The following ZMYND12 variants were observed in gnomAD, a reference collection of about 807,000 sequenced individuals.
ZMYND12 encodes the protein zinc finger MYND domain-containing protein 12.
In ZMYND12, 32 loss-of-function variants were observed where a neutral mutation model predicts 41.7. That is an observed-to-expected ratio of 0.77 (90% CI 0.58 to 1.03). ZMYND12 has a LOEUF of 1.03. Among genes scored for constraint, ZMYND12 ranks in the 50% least tolerant of loss-of-function variants. The pLI, the probability that ZMYND12 is intolerant of heterozygous loss-of-function variation, is 0.00. For missense variants in ZMYND12, 424 were observed against 438.5 expected, an observed-to-expected ratio of 0.97 and a Z score of 0.30; for synonymous variants, 148 against 164.8, an observed-to-expected ratio of 0.90 and a Z score of 0.78.
chr1:42,433,425 C>G (rs1425161405), intron 6 of ZMYND12, 137 bp from the exon 7 acceptor site: 1 of 1,032,028 alleles, frequency 9.7e-7, no homozygotes, highest in African/African-American at 1.7e-5. Context: ...CCAATTACAG[C>G]AAGTTTTTTA....
chr1:42,439,500 G>A (rs1206572736), intron 4 of ZMYND12, among the ~76,000 whole-genome samples: 4 of 152,000 alleles, frequency 2.6e-5, no homozygotes, highest in Admixed American at 6.5e-5. Context: ...TCCTGACCTC[G>A]TGATCCACCC....
At chr1:42,444,723 G>A (rs1643004072) in intron 3 of ZMYND12, among the ~76,000 whole-genome samples, 1 of 152,032 alleles carries the variant, frequency 6.6e-6, no homozygotes, top group African/African-American at 2.4e-5. Context: ...ACAGTCTACT[G>A]GAGCAGGGAG....
At position 42,439,946 on chromosome 1, in the gene ZMYND12, A is replaced by G. The variant is rs767616368; in HGVS notation, c.504T>C (p.Asn168=). Residue 168 remains asparagine, a synonymous_variant, in exon 4 of 8, where the codon AAT becomes AAC. Transcript: ENST00000372565. ...TCCGATGCAGTAAAGAGTGGGTGGC[A>G]TTACTACAGTCAGTTGATTTGAGGA... ...WTVLKSTDCS[N]ATHSLLHRNL... is the part of the protein sequence containing the mutation. The G allele has an allele frequency of 6.2e-7, 1 of 1,614,136 alleles. No homozygotes were observed. Among genetic ancestry groups the G allele is most frequent in the Non-Finnish European group, 8.5e-7 (1 of 1,180,014 alleles).
rs751844704 is a variant in ZMYND12, at chr1:42,435,378, TCA to T, written c.723_724del (p.Glu242AspfsTer29). On this transcript the variant is annotated frameshift_variant, in exon 6 of 8. Coordinates refer to ENST00000372565, the MANE Select transcript of ZMYND12 (RefSeq NM_032257.5). LOFTEE classifies it high-confidence loss of function. ...ATTGTTCAAATATGCATGCCAGATC[TCA>T]GAGACCTGTTGGGAAAAGAGATGGT... is the stretch of plus-strand genomic sequence containing the variant. The T allele has an allele frequency of 3.5e-5, 57 of 1,612,168 alleles. No homozygotes were observed. The highest frequency in any genetic ancestry group is 4.3e-5 in the Non-Finnish European group (51 of 1,178,436).
At chr1:42,438,906 T>C (rs1642935155) in intron 4 of ZMYND12, among the ~76,000 whole-genome samples, 1 of 152,162 alleles carries the variant, frequency 6.6e-6, no homozygotes, top group Admixed American at 6.5e-5. Context: ...TGGTAATATT[T>C]TCCAGTACTG....
chr1:42,444,892 C>G (rs536940753), intron 3 of ZMYND12, among the ~76,000 whole-genome samples: 2 of 149,662 alleles, frequency 1.3e-5, no homozygotes, highest in African/African-American at 4.9e-5. Context: ...ACTGTAAGCT[C>G]CGCCCCCCGG....
intron 3 of ZMYND12, among the ~76,000 whole-genome samples, chr1:42,447,471 C>G (rs925509760): frequency 1.3e-5 from 2 of 152,198 alleles, no homozygotes; most frequent in Non-Finnish European, 2.9e-5. Flanking sequence ...TGACCCTGAA[C>G]TGTATCCTTT....
intron 1 of ZMYND12, among the ~76,000 whole-genome samples, chr1:42,455,123 C>T (rs1643141364): frequency 1.3e-5 from 2 of 152,252 alleles, no homozygotes; most frequent in African/African-American, 2.4e-5. Context: ...GTTCTCCACT[C>T]GGCCCTTAGC....
chr1:42,449,714 A>G (rs999320773), intron 2 of ZMYND12, among the ~76,000 whole-genome samples: 16 of 152,240 alleles, frequency 1.1e-4, no homozygotes, highest in African/African-American at 3.9e-4. Context: ...TTTGATTGTG[A>G]CAGTGCTAGC....
chr1:42,435,219 G>A, intron 6 of ZMYND12, 55 bp downstream of exon 6: 2 of 1,329,934 alleles, frequency 1.5e-6, no homozygotes, highest in Non-Finnish European at 2.2e-6. Context: ...GACAAGGTCT[G>A]TGTATTGGGT....
chr1:42,443,334 T>C (rs540876629), intron 3 of ZMYND12, among the ~76,000 whole-genome samples: 115 of 152,198 alleles, frequency 7.6e-4, no homozygotes, highest in African/African-American at 2.7e-3. Context: ...TGGAGAGGCA[T>C]AGGGTGAAGT....
intron 4 of ZMYND12, 78 bp from the exon 5 acceptor site, chr1:42,436,621 T>C (rs1642911179): frequency 2.6e-6 from 4 of 1,515,052 alleles, no homozygotes; most frequent in Non-Finnish European, 2.7e-6. Flanking sequence ...GTATCTAGAA[T>C]ACATACAAAA....
At chr1:42,432,905 C>T (rs1570344759) in intron 7 of ZMYND12, 2 of 471,982 alleles carry the variant, frequency 4.2e-6, no homozygotes, top group East Asian at 8.8e-5. Flanking sequence ...CCAGCACTGC[C>T]TCAGACTCTC....
Position 42,455,999 on chromosome 1 carries a change from G to A in ZMYND12, c.-2C>T. The A allele has an allele frequency of 6.2e-7, 1 of 1,609,422 alleles. No individual in the cohort carries two copies. Among genetic ancestry groups the A allele is most frequent in the Non-Finnish European group, 8.5e-7 (1 of 1,177,844 alleles). Reference sequence around the variant, plus strand: ...TGCCAGTGGGTAGATCACATTCATGGTGCAGCCAGCAGTGCTGGTCTCTAA... The same window carrying A: ...TGCCAGTGGGTAGATCACATTCATGATGCAGCCAGCAGTGCTGGTCTCTAA... On this transcript the variant is annotated 5_prime_UTR_variant, in exon 1 of 8. Transcript: ENST00000372565.
At chr1:42,449,427 G>C (rs1355436544) in intron 2 of ZMYND12, among the ~76,000 whole-genome samples, 1 of 152,202 alleles carries the variant, frequency 6.6e-6, no homozygotes, top group East Asian at 1.9e-4. Context: ...AGGGCCTGTA[G>C]AGTGGTGATT....
At chr1:42,438,738 G>A (rs758589558) in intron 4 of ZMYND12, among the ~76,000 whole-genome samples, 4 of 152,144 alleles carry the variant, frequency 2.6e-5, no homozygotes, top group Non-Finnish European at 4.4e-5. Flanking sequence ...AATAACCAGC[G>A]TAAAATTTAA....
intron 3 of ZMYND12, among the ~76,000 whole-genome samples, chr1:42,444,542 AG>A (rs953081226): frequency 6.6e-6 from 1 of 152,218 alleles, no homozygotes; most frequent in Admixed American, 6.5e-5. Flanking sequence ...CACCCTTAAA[AG>A]AATCCTGTGA....
chr1:42,437,214 G>T (rs919884688), intron 4 of ZMYND12, among the ~76,000 whole-genome samples: 1 of 152,166 alleles, frequency 6.6e-6, no homozygotes, highest in African/African-American at 2.4e-5. Context: ...GATGCTGTCT[G>T]TATGAACTGT....
intron 1 of ZMYND12, among the ~76,000 whole-genome samples, chr1:42,454,704 CTTT>C (rs35101875): frequency 4.2e-5 from 6 of 143,220 alleles, no homozygotes; most frequent in Non-Finnish European, 3.0e-5. Flanking sequence ...GATGTTCCAA[CTTT>C]TTTTTTTTTT....
Sources: gnomAD v4.1 joint callset for allele counts (sites outside exome capture counted in the v4.1 genomes callset) on GRCh38, gnomAD v4.1.1 for gene constraint, MANE v1.5 for transcripts, NCBI Gene and HGNC (gene_info 2026-07-23, HGNC 2026-07-21) for gene names.